Variants in MBOAT2 observed in about 807,000 individuals in gnomAD.
MBOAT2 encodes the protein membrane-bound glycerophospholipid O-acyltransferase 2.
MBOAT2 carries 28 observed loss-of-function variants against 63.4 expected under a neutral mutation model. The observed-to-expected ratio is 0.44, with a 90% CI of 0.33 to 0.61. The LOEUF (loss-of-function observed/expected upper bound fraction) is 0.61. Among genes scored for constraint, MBOAT2 ranks in the 20% least tolerant of loss-of-function variants. MBOAT2 has a pLI of 0.03. For synonymous variants in MBOAT2, 211 were observed against 215.6 expected (o/e 0.98, Z 0.19); for missense variants, 470 against 605.8 (o/e 0.78, Z 2.35).
At chr2:8,982,219 C>G (rs1271510145) in intron 1 of MBOAT2, among the ~76,000 whole-genome samples, 1 of 152,134 alleles carries the variant, frequency 6.6e-6, no homozygotes, top group Non-Finnish European at 1.5e-5. Context: ...GACATATTTA[C>G]AGCATAGGAA....
intron 4 of MBOAT2, among the ~76,000 whole-genome samples, chr2:8,897,151 C>T (rs117766183): frequency 6.6e-6 from 1 of 152,262 alleles, no homozygotes; most frequent in East Asian, 1.9e-4. Flanking sequence ...GTCTCTGTCT[C>T]TTCCTCTCTT....
At chr2:8,876,743 A>G (rs1218845922) in intron 7 of MBOAT2, among the ~76,000 whole-genome samples, 1 of 152,162 alleles carries the variant, frequency 6.6e-6, no homozygotes, top group African/African-American at 2.4e-5. Flanking sequence ...GGGAGCCTGG[A>G]AAATTGTTAG....
chr2:8,907,596 G>C (rs1380273878), intron 4 of MBOAT2, among the ~76,000 whole-genome samples: 2 of 152,128 alleles, frequency 1.3e-5, no homozygotes, highest in Non-Finnish European at 2.9e-5. Context: ...GCCAGCATCT[G>C]CTCTCCTTTT....
At chr2:8,989,566 C>T (rs959664208) in intron 1 of MBOAT2, among the ~76,000 whole-genome samples, 3 of 152,150 alleles carry the variant, frequency 2.0e-5, no homozygotes, top group African/African-American at 7.2e-5. Flanking sequence ...CCATGGATTT[C>T]ACAGAAGACT....
At chr2:8,905,794 T>G (rs1665284192) in intron 4 of MBOAT2, among the ~76,000 whole-genome samples, 1 of 152,196 alleles carries the variant, frequency 6.6e-6, no homozygotes, top group Non-Finnish European at 1.5e-5. Context: ...CCCTAGAACT[T>G]AAAGTATAAT....
At chr2:8,992,562 G>A (rs1573270467) in intron 1 of MBOAT2, among the ~76,000 whole-genome samples, 1 of 152,298 alleles carries the variant, frequency 6.6e-6, no homozygotes, top group East Asian at 1.9e-4. Context: ...TGTACAAGCA[G>A]GGAGCTATCT....
chr2:8,937,639 G>A (rs1198361722), intron 3 of MBOAT2, among the ~76,000 whole-genome samples: 3 of 152,114 alleles, frequency 2.0e-5, no homozygotes, highest in African/African-American at 7.2e-5. Context: ...GGAGGATGAG[G>A]AACACTCCAG....
At chr2:8,941,087 A>G (rs1668018314) in intron 3 of MBOAT2, among the ~76,000 whole-genome samples, 1 of 152,216 alleles carries the variant, frequency 6.6e-6, no homozygotes, top group South Asian at 2.1e-4. Context: ...GCATATTCAG[A>G]TAATAAGAAA....
At position 8,856,473 on chromosome 2, in the gene MBOAT2, G is replaced by A. The variant is rs1661092202; in HGVS notation, c.*2206C>T. 1 of 152,006 alleles carries A rather than the reference G, an allele frequency of 6.6e-6. No individual in the cohort carries two copies. Among genetic ancestry groups the A allele is most frequent in the South Asian group, 2.1e-4 (1 of 4,832 alleles). 9.4% of individuals were successfully genotyped at this position (152,006 alleles called of 1,614,324 possible). A position where few individuals can be genotyped will look rare whatever the true frequency, so the allele number is the denominator to read the frequency against. On this transcript the variant is annotated 3_prime_UTR_variant, in exon 13 of 13. Coordinates refer to ENST00000305997, the MANE Select transcript of MBOAT2 (RefSeq NM_138799.4). This position sits in a 1 kb window ranked among gnomAD's most constrained non-coding sequence, Gnocchi z 4.2. Reference sequence around the variant, plus strand: ...GATTCTCTGCAACATTAATGAAAATGATCAAACATTTTACAGGGCAGGTAC... The same window carrying A: ...GATTCTCTGCAACATTAATGAAAATAATCAAACATTTTACAGGGCAGGTAC...
chr2:8,934,392 G>A (rs1291733801), intron 3 of MBOAT2, among the ~76,000 whole-genome samples: 3 of 151,906 alleles, frequency 2.0e-5, no homozygotes, highest in African/African-American at 7.3e-5. Context: ...GGTGGAATGG[G>A]ACACAACTAA....
At chr2:8,921,959 T>C (rs374099035) in intron 3 of MBOAT2, among the ~76,000 whole-genome samples, 6 of 152,308 alleles carry the variant, frequency 3.9e-5, no homozygotes, top group African/African-American at 1.4e-4. Context: ...CAAAAGCTTT[T>C]TCTGTCCCTT....
chr2:8,989,658 C>T (rs1046167561), intron 1 of MBOAT2, among the ~76,000 whole-genome samples: 3 of 152,212 alleles, frequency 2.0e-5, no homozygotes, highest in Non-Finnish European at 4.4e-5. Context: ...GTGTCCAATT[C>T]TCTGAAAGGT....
intron 1 of MBOAT2, among the ~76,000 whole-genome samples, chr2:8,983,449 C>CAT (rs1483197746): frequency 7.9e-5 from 12 of 152,134 alleles, no homozygotes; most frequent in Non-Finnish European, 1.8e-4. Context: ...GATGGTTTTA[C>CAT]TGGAGAATTC....
intron 9 of MBOAT2, 98 bp from the exon 10 acceptor site, chr2:8,864,332 TTA>T (rs1344961146): frequency 8.1e-6 from 5 of 620,970 alleles, no homozygotes; most frequent in Non-Finnish European, 1.3e-5. Context: ...CAAAAATTAC[TTA>T]ACATCGATGG....
At chr2:8,869,262 G>T (rs1171917148) in intron 8 of MBOAT2, among the ~76,000 whole-genome samples, 1 of 150,132 alleles carries the variant, frequency 6.7e-6, no homozygotes, top group Non-Finnish European at 1.5e-5. Context: ...TGCCAAGGTG[G>T]TCTCGAACTC....
At chr2:8,912,299 A>AAAG (rs71387298) in intron 3 of MBOAT2, among the ~76,000 whole-genome samples, 696 of 46,878 alleles carry the variant, frequency 0.015, 39 homozygotes, top group African/African-American at 0.026. Context: ...GAAAAGAAAG[A>AAAG]AAAGAAAGAA....
In MBOAT2 at chr2:8,915,948, A is replaced by C. The variant is rs144119021; in HGVS notation, c.300-7232T>G. On this transcript the variant is annotated intron_variant, in intron 3 of 12. Coordinates refer to ENST00000305997, the MANE Select transcript of MBOAT2 (RefSeq NM_138799.4). ...TGGCTATGGTATCCCCATCACTGTC[A>C]TCTCACCCTCCTTGCAACTGACTGG... Among the ~76,000 whole-genome samples, 18 of 152,088 alleles carry C rather than the reference A, an allele frequency of 1.2e-4. No individual in the cohort carries two copies. The East Asian group carries it at 3.5e-3, about 29-fold the overall frequency.
In MBOAT2 at chr2:8,856,283, A is replaced by C. The variant is rs1661072576; in HGVS notation, c.*2396T>G. The C allele has an allele frequency of 6.8e-6, 1 of 147,564 alleles. No homozygotes were observed. The highest frequency in any genetic ancestry group is 2.7e-5 in the African/African-American group (1 of 37,700). 9.1% of individuals were successfully genotyped at this position (147,564 alleles called of 1,614,324 possible). Reference sequence around the variant, plus strand: ...AGGTAACAGAAATGTGATTATTTGTAGGTGGCTAGATAGGCTGAACCAAAA... The same window carrying C: ...AGGTAACAGAAATGTGATTATTTGTCGGTGGCTAGATAGGCTGAACCAAAA... On this transcript the variant is annotated 3_prime_UTR_variant, in exon 13 of 13. Coordinates refer to ENST00000305997, the MANE Select transcript of MBOAT2 (RefSeq NM_138799.4). This position sits in a 1 kb window ranked among gnomAD's most constrained non-coding sequence, Gnocchi z 4.2.
At chr2:8,945,687 A>G (rs545740565) in intron 2 of MBOAT2, among the ~76,000 whole-genome samples, 1 of 152,284 alleles carries the variant, frequency 6.6e-6, no homozygotes, top group African/African-American at 2.4e-5. Flanking sequence ...TGGGCTGTGG[A>G]TCATCATCTT....
Sources: gnomAD v4.1 joint callset for allele counts (sites outside exome capture counted in the v4.1 genomes callset) on GRCh38, gnomAD v4.1.1 for gene constraint, Gnocchi (gnomAD v3.1) non-coding constraint, MANE v1.5 for transcripts, NCBI Gene and HGNC (gene_info 2026-07-23, HGNC 2026-07-21) for gene names.